The following C7 variants were observed in gnomAD, a reference collection of about 807,000 sequenced individuals.
The protein encoded by C7 is complement component C7.
Under a neutral mutation model 104.8 loss-of-function variants are expected in C7, and 83 were observed. That is an observed-to-expected ratio of 0.79 (90% CI 0.66 to 0.95). C7 has a LOEUF of 0.95. C7 is among the 40% of genes least tolerant of loss of function. The pLI is 0.00. For synonymous variants in C7, 415 were observed against 360.6 expected (o/e 1.15, Z -1.71); for missense variants, 1,070 against 1,011.2 (o/e 1.06, Z -0.79).
intron 16 of C7, 125 bp from the exon 17 acceptor site, chr5:40,979,600 T>C: frequency 1.6e-6 from 1 of 624,806 alleles, no homozygotes; most frequent in Non-Finnish European, 2.5e-6. Flanking sequence ...TTCCACCTTT[T>C]TTTTTTTTTT....
intron 13 of C7, among the ~76,000 whole-genome samples, chr5:40,964,131 C>A (rs1028433866): frequency 6.7e-6 from 1 of 149,832 alleles, no homozygotes; most frequent in African/African-American, 2.4e-5. Context: ...CAACCTCCGT[C>A]CCCCAGGTTC....
chr5:40,979,751 A>G lies in C7; in HGVS notation c.2192A>G (p.Asp731Gly). 1 of 1,613,440 alleles carries G rather than the reference A, an allele frequency of 6.2e-7. No individual in the cohort carries two copies. The highest frequency in any genetic ancestry group is 8.5e-7 in the Non-Finnish European group (1 of 1,179,572). ...CGPSLDVCAQ[D>G]ERSKRILPLT... is the part of the protein sequence containing the mutation. ...CCTTCCTTGGATGTATGTGCTCAAG[A>G]TGAGAGAAGCAAAAGGATACTGCCT... The change falls in exon 17 of 18, where the codon GAT becomes GGT. Residue 731 changes from aspartate to glycine, a missense_variant. By Grantham distance (94) the Asp-to-Gly change is moderately conservative (BLOSUM62 -1). Transcript: ENST00000313164.
Position 40,945,257 on chromosome 5 carries a change from AC to A in C7, c.628del (p.His210IlefsTer86). ...ACAATAGTACTTGGTCTTATGTAAA[AC>A]ATACGTCGACAGAACACACATCATC... Reference protein sequence around the residue: ...FYNSTWSYVKHTSTEHTSSSR... With the variant: ...FYNSTWSYVKXTSTEHTSSSR... On this transcript the variant is annotated frameshift_variant, in exon 7 of 18. Transcript: ENST00000313164. LOFTEE classifies it high-confidence loss of function. 6.3e-7 allele frequency: 1 copy of A among 1,575,468 alleles called. No homozygotes were observed. The highest frequency in any genetic ancestry group is 8.6e-7 in the Non-Finnish European group (1 of 1,156,988).
chr5:40,953,518 G>A (rs1451087674), intron 9 of C7, among the ~76,000 whole-genome samples: 3 of 151,860 alleles, frequency 2.0e-5, no homozygotes, highest in Non-Finnish European at 4.4e-5. Flanking sequence ...GCGCACGCCT[G>A]TAGTCCCAGC....
At chr5:40,919,654 T>C (rs192739899) in intron 1 of C7, among the ~76,000 whole-genome samples, 1 of 151,980 alleles carries the variant, frequency 6.6e-6, no homozygotes, top group Admixed American at 6.6e-5. Context: ...AATAAATGAA[T>C]GAATATAGGG....
At chr5:40,979,669 T>TCTG in intron 16 of C7, 56 bp from the exon 17 acceptor site, 1 of 1,468,708 alleles carries the variant, frequency 6.8e-7, no homozygotes, top group Non-Finnish European at 9.3e-7. Context: ...CATTTCTCCT[T>TCTG]CTCAGCTTTT....
rs930487200 is a variant in C7, at chr5:40,979,036, C to T, written c.2166-689C>T. Among the ~76,000 whole-genome samples, 29 of 151,774 alleles carry T rather than the reference C, an allele frequency of 1.9e-4. No individual in the cohort carries two copies. In the East Asian group the frequency reaches 4.3e-3, roughly 22 times the overall value. On this transcript the variant is annotated intron_variant, in intron 16 of 17. Transcript: ENST00000313164. ...CTGGGATTACAGGTGTGCGCCACCACGCCCAGCTAATTTTTATATGCTTAG... is the reference window on the plus strand; with the variant it reads ...CTGGGATTACAGGTGTGCGCCACCATGCCCAGCTAATTTTTATATGCTTAG...
intron 6 of C7, among the ~76,000 whole-genome samples, chr5:40,938,869 T>C (rs907883152): frequency 7.9e-5 from 12 of 152,160 alleles, no homozygotes; most frequent in African/African-American, 2.7e-4. Flanking sequence ...AGAGGAGAGA[T>C]TTTCTGTTGC....
At chr5:40,923,694 C>T (rs564860256) in intron 1 of C7, among the ~76,000 whole-genome samples, 54 of 151,564 alleles carry the variant, frequency 3.6e-4, no homozygotes, top group Non-Finnish European at 6.3e-4. Flanking sequence ...TGCAGTGAGC[C>T]GAGATTGTGC....
chr5:40,922,374 CAAAA>C (rs869109946), intron 1 of C7, among the ~76,000 whole-genome samples: 6 of 43,080 alleles, frequency 1.4e-4, no homozygotes, highest in South Asian at 1.1e-3. Flanking sequence ...GACTCTGTCT[CAAAA>C]AAAAAAAAAA....
chr5:40,915,737 C>G (rs1739304536), intron 1 of C7, among the ~76,000 whole-genome samples: 1 of 152,156 alleles, frequency 6.6e-6, no homozygotes, highest in Non-Finnish European at 1.5e-5. Context: ...ACCTTTTCAC[C>G]CTTTCAGATA....
chr5:40,912,143 C>T (rs1041377874), intron 1 of C7, among the ~76,000 whole-genome samples: 2 of 152,148 alleles, frequency 1.3e-5, no homozygotes, highest in African/African-American at 4.8e-5. Flanking sequence ...TTTGTTCTAT[C>T]TCTCTTGTTC....
intron 14 of C7, among the ~76,000 whole-genome samples, chr5:40,970,440 A>G (rs1404049040): frequency 6.6e-6 from 1 of 152,124 alleles, no homozygotes; most frequent in Non-Finnish European, 1.5e-5. Context: ...ATTGAGTAAG[A>G]AAGAATACAG....
chr5:40,932,883 G>A (rs1311925936), intron 3 of C7, among the ~76,000 whole-genome samples: 1 of 152,102 alleles, frequency 6.6e-6, no homozygotes, highest in African/African-American at 2.4e-5. Context: ...AAGTGAAAAT[G>A]AGAAAGGGGT....
chr5:40,945,161 A>T, intron 6 of C7, 37 bp from the exon 7 acceptor site: 3 of 1,147,794 alleles, frequency 2.6e-6, no homozygotes, highest in Non-Finnish European at 3.7e-6. Flanking sequence ...ATCCAGCATT[A>T]ATTTAGTCAT....
chr5:40,938,123 A>G (rs1485435072), intron 6 of C7, among the ~76,000 whole-genome samples: 1 of 152,146 alleles, frequency 6.6e-6, no homozygotes, highest in Non-Finnish European at 1.5e-5. Flanking sequence ...TAATTTGAAG[A>G]AAACTGCCCT....
chr5:40,955,350 T>G, intron 9 of C7, 37 bp from the exon 10 acceptor site: 2 of 1,556,070 alleles, frequency 1.3e-6, no homozygotes, highest in South Asian at 1.3e-5. Flanking sequence ...AAATACTTGA[T>G]AGACTTTTCA....
chr5:40,935,512 C>T (rs545299445), intron 4 of C7, among the ~76,000 whole-genome samples: 1 of 152,226 alleles, frequency 6.6e-6, no homozygotes, highest in South Asian at 2.1e-4. Flanking sequence ...CGATGGTTTT[C>T]AAGAGGAGAT....
At chr5:40,959,062 T>G (rs1006365388) in intron 11 of C7, among the ~76,000 whole-genome samples, 10 of 152,200 alleles carry the variant, frequency 6.6e-5, no homozygotes, top group Non-Finnish European at 1.2e-4. Flanking sequence ...CTTTGTGGCT[T>G]GGATTTCCCC....
Sources: allele counts gnomAD v4.1 joint callset (sites outside exome capture counted in the v4.1 genomes callset), GRCh38; gene constraint gnomAD v4.1.1; transcripts MANE v1.5; gene names NCBI Gene and HGNC (gene_info 2026-07-23, HGNC 2026-07-21).